The following PPFIBP1 variants were observed in gnomAD, a reference collection of about 807,000 sequenced individuals.
The protein encoded by PPFIBP1 is liprin-beta-1.
A neutral mutation model predicts 137.8 loss-of-function variants in PPFIBP1; 112 were observed. The observed-to-expected ratio is 0.81, with a 90% CI of 0.70 to 0.95. The LOEUF (loss-of-function observed/expected upper bound fraction) is 0.95, where lower values mean the gene tolerates loss of function less well. PPFIBP1 is among the 40% of genes least tolerant of loss of function. The pLI is 0.00. For synonymous variants in PPFIBP1, 378 were observed against 417.3 expected (o/e 0.91, Z 1.15); for missense variants, 1,083 against 1,196.6 (o/e 0.91, Z 1.40).
Position 27,543,541 on chromosome 12 carries a change from G to A in PPFIBP1, c.-124+19176G>A, listed in dbSNP as rs891824674. On this transcript the variant is annotated intron_variant, in intron 1 of 29. Transcript: ENST00000228425. Reference sequence around the variant, plus strand: ...ATTTTTTCCACCTTTTGGTAGGAAGGGAGAGACAATGAGGAGAAAGTCTTT... The same window carrying A: ...ATTTTTTCCACCTTTTGGTAGGAAGAGAGAGACAATGAGGAGAAAGTCTTT... Among the ~76,000 whole-genome samples the A allele has an allele frequency of 2.0e-5, 3 of 152,142 alleles. No individual in the cohort carries two copies. The South Asian group carries it at 6.2e-4, about 31-fold the overall frequency.
intron 2 of PPFIBP1, among the ~76,000 whole-genome samples, chr12:27,611,784 TGCTC>T (rs1221170938): frequency 1.1e-5 from 1 of 93,036 alleles, no homozygotes; most frequent in African/African-American, 3.7e-5. Context: ...GTCAACACTG[TGCTC>T]TCTCTCTCTC....
At position 27,689,094 on chromosome 12, in the gene PPFIBP1, A is replaced by G; in HGVS notation, c.2576A>G (p.His859Arg). The G allele has an allele frequency of 1.9e-6, 3 of 1,612,746 alleles. No homozygotes were observed. Among genetic ancestry groups the G allele is most frequent in the East Asian group, 2.2e-5 (1 of 44,860 alleles). The part of the protein sequence containing the change: ...IPPNKTLLRR[H>R]LATHFNLLIG... ...CCCAATAAGACTTTGCTGCGAAGACATTTGGCCACTCATTTCAACCTTCTG... is the reference window on the plus strand; with the variant it reads ...CCCAATAAGACTTTGCTGCGAAGACGTTTGGCCACTCATTTCAACCTTCTG... The change falls in exon 27 of 30, where the codon CAT becomes CGT. Residue 859 changes from histidine (H) to arginine (R), a missense_variant. Coordinates refer to ENST00000228425, the MANE Select transcript of PPFIBP1 (RefSeq NM_003622.4).
rs182287848 is a variant in PPFIBP1 at position 27,524,826 on chromosome 12, A to G, written c.-124+461A>G. On this transcript the variant is annotated intron_variant, in intron 1 of 29. Transcript: ENST00000228425. ...CCTATTATATATTAAAAGAATATCA[A>G]TGTTAGTCTTATATATCAATGTAAA... 2.7e-4 allele frequency among the ~76,000 whole-genome samples: 41 copies of G among 152,158 alleles called. 1 individual carries two copies. Among genetic ancestry groups the G allele is most frequent in the South Asian group, 8.3e-4 (4 of 4,814 alleles).
chr12:27,677,259 G>A lies in PPFIBP1; in HGVS notation c.1615+163G>A. 7.5e-6 allele frequency: 6 copies of A among 801,994 alleles called. 1 individual carries two copies. In the South Asian group the frequency reaches 1.0e-4, roughly 14 times the overall value. The allele number at this position is 801,994 out of a possible 1,614,324, so 49.7% of individuals were successfully genotyped here. The stretch of plus-strand genomic sequence containing the variant: ...TCCACCTTCTGCTAAAAAGGACTCT[G>A]TAGAGGCTTTGCTTCCAAGCCTAAA... On this transcript the variant is annotated intron_variant, in intron 19 of 29. Transcript: ENST00000228425.
At chr12:27,526,318 A>T (rs925497091) in intron 1 of PPFIBP1, among the ~76,000 whole-genome samples, 5 of 152,142 alleles carry the variant, frequency 3.3e-5, no homozygotes, top group African/African-American at 7.3e-5. Context: ...GGACTTGAAT[A>T]TACCAAAACT....
In PPFIBP1 at chr12:27,563,606, A is replaced by G. The variant is rs919113659; in HGVS notation, c.-123-14546A>G. On this transcript the variant is annotated intron_variant, in intron 1 of 29. Coordinates refer to ENST00000228425, the MANE Select transcript of PPFIBP1 (RefSeq NM_003622.4). ...CTTTGAAGGGACCATAAGCCAAGGA[A>G]TGCAGGTGATCCCTTGAAGTTGAGA... is the stretch of plus-strand genomic sequence containing the variant. Among the ~76,000 whole-genome samples, 30 of 152,202 alleles carry G rather than the reference A, an allele frequency of 2.0e-4. No individual in the cohort carries two copies. The South Asian group carries it at 4.4e-3, about 22-fold the overall frequency.
rs143653635 is a variant in PPFIBP1 at position 27,649,622 on chromosome 12, C to T, written c.472-388C>T. 7.9e-3 allele frequency among the ~76,000 whole-genome samples: 1,205 copies of T among 152,254 alleles called. 20 individuals are homozygous for T. Among genetic ancestry groups the T allele is most frequent in the African/African-American group, 0.028 (1,146 of 41,552 alleles). ...CTGGAGTGCAATGGTGCGATCTCCG[C>T]TCCCTGTAACCTCCGCCTCCTGGGT... On this transcript the variant is annotated intron_variant, in intron 6 of 29. Coordinates refer to ENST00000228425, the MANE Select transcript of PPFIBP1 (RefSeq NM_003622.4).
chr12:27,603,072 A>G lies in PPFIBP1; in HGVS notation c.-36+24833A>G, dbSNP rs534050427. Among the ~76,000 whole-genome samples the G allele has an allele frequency of 2.0e-5, 3 of 152,206 alleles. No individual in the cohort carries two copies. In the South Asian group the frequency reaches 6.2e-4, roughly 31 times the overall value. On this transcript the variant is annotated intron_variant, in intron 2 of 29. Transcript: ENST00000228425. ...TCCTACATACTTTGGGCCAAGCCTG[A>G]TGGTGCTTCATGCAACACCAAATAC...
chr12:27,532,229 G>A (rs1944494301), intron 1 of PPFIBP1, among the ~76,000 whole-genome samples: 1 of 152,216 alleles, frequency 6.6e-6, no homozygotes, highest in South Asian at 2.1e-4. Flanking sequence ...TCACATACAG[G>A]AGATGGGGGC....
At chr12:27,625,913 G>A (rs551159329) in intron 2 of PPFIBP1, among the ~76,000 whole-genome samples, 1 of 152,078 alleles carries the variant, frequency 6.6e-6, no homozygotes, top group African/African-American at 2.4e-5. Flanking sequence ...TCCTCAGGAG[G>A]GGCTAAGGTG....
intron 2 of PPFIBP1, among the ~76,000 whole-genome samples, chr12:27,582,391 A>C (rs949013335): frequency 6.6e-6 from 1 of 151,928 alleles, no homozygotes; most frequent in Non-Finnish European, 1.5e-5. Flanking sequence ...CATTTTTTAC[A>C]CCTATTTAGT....
chr12:27,669,569 T>C lies in PPFIBP1; in HGVS notation c.1147-1862T>C, dbSNP rs559825288. Among the ~76,000 whole-genome samples the C allele has an allele frequency of 2.0e-5, 3 of 152,228 alleles. 1 individual carries two copies. Among genetic ancestry groups the C allele is most frequent in the East Asian group, 1.9e-4 (1 of 5,182 alleles). ...GAGTTTGGAGTTAAAGTCTTAAAGTTTGAAAAAGATCAAGAAAATTGATCT... is the reference window on the plus strand; with the variant it reads ...GAGTTTGGAGTTAAAGTCTTAAAGTCTGAAAAAGATCAAGAAAATTGATCT... On this transcript the variant is annotated intron_variant, in intron 13 of 29. Transcript: ENST00000228425.
At chr12:27,530,082 C>T (rs1344236106) in intron 1 of PPFIBP1, among the ~76,000 whole-genome samples, 1 of 152,208 alleles carries the variant, frequency 6.6e-6, no homozygotes, top group Non-Finnish European at 1.5e-5. Context: ...ACTCTGTGGT[C>T]TACTTTTTTC....
intron 1 of PPFIBP1, chr12:27,552,730 A>G (rs1946900767): frequency 6.6e-6 from 1 of 152,238 alleles, no homozygotes; most frequent in African/African-American, 2.4e-5. Context: ...GCATGGAACA[A>G]AGGATCATTG....
At chr12:27,595,914 TATATATA>T (rs2053232139) in intron 2 of PPFIBP1, among the ~76,000 whole-genome samples, 7 of 97,372 alleles carry the variant, frequency 7.2e-5, no homozygotes, top group Non-Finnish European at 1.2e-4. Context: ...TATATATATA[TATATATA>T]TTTTATGCCC....
intron 1 of PPFIBP1, among the ~76,000 whole-genome samples, chr12:27,561,477 GTC>G (rs967483740): frequency 6.6e-6 from 1 of 152,138 alleles, no homozygotes; most frequent in Non-Finnish European, 1.5e-5. Flanking sequence ...TTCTGAGTGG[GTC>G]TCTCTGTAGG....
intron 25 of PPFIBP1, 141 bp from the exon 26 acceptor site, chr12:27,688,157 A>C: frequency 1.0e-6 from 1 of 979,488 alleles, no homozygotes; most frequent in Non-Finnish European, 1.5e-6. Flanking sequence ...AACTCAAACT[A>C]TGACAGAAAT....
chr12:27,561,828 T>C (rs2049188983), intron 1 of PPFIBP1, among the ~76,000 whole-genome samples: 2 of 151,982 alleles, frequency 1.3e-5, no homozygotes, highest in East Asian at 3.9e-4. Flanking sequence ...CTGGCTAACT[T>C]ATATAAAGCA....
In PPFIBP1 at chr12:27,563,277, T is replaced by TAAAAAAAAAA. The variant is rs869044515; in HGVS notation, c.-123-14854_-123-14845dup. Among the ~76,000 whole-genome samples, 56 of 22,176 alleles carry TAAAAAAAAAA rather than the reference T, an allele frequency of 2.5e-3. 9 individuals carry two copies. The highest frequency in any genetic ancestry group is 0.014 in the East Asian group (10 of 690). The allele number at this position is 22,176 out of a possible 152,430, so 14.5% of individuals were successfully genotyped here. A position where few individuals can be genotyped will look rare whatever the true frequency, so the allele number is the denominator to read the frequency against. On this transcript the variant is annotated intron_variant, in intron 1 of 29. Coordinates refer to ENST00000228425, the MANE Select transcript of PPFIBP1 (RefSeq NM_003622.4). ...TAACACGGTGAAAACCCATCTCTAC[T>TAAAAAAAAAA]AAAAAAAAAAAAAAAAAAAAAAAAA...
Sources: gnomAD v4.1 joint callset for allele counts (sites outside exome capture counted in the v4.1 genomes callset) on GRCh38, gnomAD v4.1.1 for gene constraint, MANE v1.5 for transcripts, NCBI Gene and HGNC (gene_info 2026-07-23, HGNC 2026-07-21) for gene names.